The following DOCK1 variants were observed in gnomAD, a reference collection of about 807,000 sequenced individuals.
DOCK1 encodes the protein dedicator of cytokinesis protein 1.
A neutral mutation model predicts 262.7 loss-of-function variants in DOCK1; 138 were observed. The ratio of observed to expected loss-of-function variants is 0.53; its 90% CI spans 0.46 to 0.61. The LOEUF (loss-of-function observed/expected upper bound fraction) is 0.61, where lower values mean the gene tolerates loss of function less well. DOCK1 is among the 20% of genes least tolerant of loss of function. The pLI is 0.00. For missense variants in DOCK1, 1,908 were observed against 2,370.7 expected, an observed-to-expected ratio of 0.80 and a Z score of 4.05; for synonymous variants, 866 against 867.4, an observed-to-expected ratio of 1.00 and a Z score of 0.03.
intron 39 of DOCK1, 92 bp downstream of exon 39, chr10:127,403,236 C>T (rs2067327063): frequency 7.6e-7 from 1 of 1,323,470 alleles, no homozygotes; most frequent in East Asian, 2.5e-5. Flanking sequence ...TTAGGGTTCA[C>T]CCCAGGCACT....
chr10:127,189,098 A>ATG (rs1426863073), intron 27 of DOCK1, among the ~76,000 whole-genome samples: 5 of 152,342 alleles, frequency 3.3e-5, no homozygotes, highest in African/African-American at 4.8e-5. Context: ...TGTGTTGTGC[A>ATG]TGTGGATGAC....
Position 126,922,552 on chromosome 10 carries a change from C to T in DOCK1, c.46+16989C>T, listed in dbSNP as rs74507347. ...CCAAGAGGATGGTGCGAAGCCATTCCGGAGGGAGGCGCCATGATCCAAATC... is the reference window on the plus strand; with the variant it reads ...CCAAGAGGATGGTGCGAAGCCATTCTGGAGGGAGGCGCCATGATCCAAATC... On this transcript the variant is annotated intron_variant, in intron 1 of 51. Coordinates refer to ENST00000623213, the MANE Select transcript of DOCK1 (RefSeq NM_001290223.2). 1.0e-3 allele frequency among the ~76,000 whole-genome samples: 152 copies of T among 152,172 alleles called. 3 individuals are homozygous for T. The highest frequency in any genetic ancestry group is 8.1e-3 in the East Asian group (42 of 5,174).
intron 22 of DOCK1, among the ~76,000 whole-genome samples, chr10:127,059,660 T>A (rs915440767): frequency 6.6e-6 from 1 of 152,230 alleles, no homozygotes; most frequent in Non-Finnish European, 1.5e-5. Context: ...TAGATTCATT[T>A]CTCTACTGAA....
intron 29 of DOCK1, among the ~76,000 whole-genome samples, chr10:127,323,444 C>T (rs1026507898): frequency 2.0e-5 from 3 of 152,148 alleles, no homozygotes; most frequent in East Asian, 3.9e-4. Context: ...GAGGCAAAGG[C>T]GGGCCACTTA....
rs144243773 is a variant in DOCK1 at position 127,092,114 on chromosome 10, G to C, written c.2446-14117G>C. 9.0e-4 allele frequency among the ~76,000 whole-genome samples: 137 copies of C among 152,328 alleles called. 3 individuals are homozygous for C. Among genetic ancestry groups the C allele is most frequent in the African/African-American group, 3.1e-3 (128 of 41,574 alleles). ...TGGACACCTGTGCCCAGTGGTGACT[G>C]TACTGGCCAGAGCTGCTGTAGAATA... On this transcript the variant is annotated intron_variant, in intron 23 of 51. Transcript: ENST00000623213.
intron 27 of DOCK1, among the ~76,000 whole-genome samples, chr10:127,161,637 C>T (rs1337313591): frequency 1.3e-5 from 2 of 152,180 alleles, no homozygotes; most frequent in African/African-American, 2.4e-5. Context: ...ACCTCTCCAG[C>T]TGCCCGGCTG....
intron 25 of DOCK1, among the ~76,000 whole-genome samples, chr10:127,115,377 T>G (rs2049120014): frequency 6.6e-6 from 1 of 152,218 alleles, no homozygotes; most frequent in African/African-American, 2.4e-5. Context: ...GTGACTTGAC[T>G]ACTTGAAAGC....
chr10:127,245,538 A>G (rs1431435326), intron 27 of DOCK1, among the ~76,000 whole-genome samples: 1 of 152,172 alleles, frequency 6.6e-6, no homozygotes, highest in Non-Finnish European at 1.5e-5. Flanking sequence ...ACATCCTCCC[A>G]GGACTTGTTT....
At chr10:127,434,716 G>A (rs1429666302) in intron 48 of DOCK1, among the ~76,000 whole-genome samples, 3 of 149,736 alleles carry the variant, frequency 2.0e-5, no homozygotes, top group African/African-American at 4.9e-5. Context: ...GCAGTGGCAC[G>A]ATCTCGGCTC....
At chr10:127,106,116 G>A in intron 23 of DOCK1, 115 bp from the exon 24 acceptor site, 1 of 1,089,850 alleles carries the variant, frequency 9.2e-7, no homozygotes, top group Non-Finnish European at 1.3e-6. Flanking sequence ...CCCCTCATCT[G>A]GAAGTGATCT....
chr10:127,285,690 C>T lies in DOCK1; in HGVS notation c.3044+28261C>T, dbSNP rs553948912. 3.9e-5 allele frequency among the ~76,000 whole-genome samples: 6 copies of T among 152,330 alleles called. No individual in the cohort carries two copies. The East Asian group carries it at 1.2e-3, about 29-fold the overall frequency. On this transcript the variant is annotated intron_variant, in intron 29 of 51. Coordinates refer to ENST00000623213, the MANE Select transcript of DOCK1 (RefSeq NM_001290223.2). ...GAAGGTGCGGTCAGACCGCCAAGGT[C>T]ATGCCATCTTCTGGGCACTGGTAGT...
chr10:127,258,782 G>T lies in DOCK1; in HGVS notation c.3044+1353G>T, dbSNP rs115133669. Among the ~76,000 whole-genome samples the T allele has an allele frequency of 2.7e-3, 408 of 152,346 alleles. 2 individuals are homozygous for T. Among genetic ancestry groups the T allele is most frequent in the African/African-American group, 9.5e-3 (397 of 41,588 alleles). On this transcript the variant is annotated intron_variant, in intron 29 of 51. Transcript: ENST00000623213. ...AAGTGATTCGGTTGCTCCGCATCCAGCCTTTGCCGTTGACACTGTTTTTGC... is the reference window on the plus strand; with the variant it reads ...AAGTGATTCGGTTGCTCCGCATCCATCCTTTGCCGTTGACACTGTTTTTGC...
chr10:127,290,446 C>G (rs565513955), intron 29 of DOCK1, among the ~76,000 whole-genome samples: 29 of 152,240 alleles, frequency 1.9e-4, no homozygotes, highest in African/African-American at 6.7e-4. Context: ...TTAAAGATGT[C>G]CACAGTTATG....
At chr10:127,068,756 C>T (rs2046027913) in intron 23 of DOCK1, among the ~76,000 whole-genome samples, 1 of 152,162 alleles carries the variant, frequency 6.6e-6, no homozygotes, top group Non-Finnish European at 1.5e-5. Context: ...TATATATACA[C>T]ACATATAAAT....
rs75304645 is a variant in DOCK1 at position 127,336,283 on chromosome 10, C to T, written c.3045-2723C>T. 3.4e-3 allele frequency among the ~76,000 whole-genome samples: 522 copies of T among 152,206 alleles called. 8 individuals carry two copies. The highest frequency in any genetic ancestry group is 0.031 in the Admixed American group (479 of 15,282). ...GTCCTGGAAGTTTCTGTGCAAGTGA[C>T]GCAGCCCTTGATGCATTGAGCCCAA... On this transcript the variant is annotated intron_variant, in intron 29 of 51. Transcript: ENST00000623213.
At chr10:127,200,561 G>A (rs555543552) in intron 27 of DOCK1, among the ~76,000 whole-genome samples, 1 of 151,890 alleles carries the variant, frequency 6.6e-6, no homozygotes, top group African/African-American at 2.4e-5. Flanking sequence ...CTGTAACCAC[G>A]CCTGGCTGAT....
chr10:127,303,092 G>A (rs1191793539), intron 29 of DOCK1, among the ~76,000 whole-genome samples: 1 of 152,148 alleles, frequency 6.6e-6, no homozygotes, highest in East Asian at 1.9e-4. Flanking sequence ...TTACTCAGGA[G>A]TATTGCAATA....
chr10:127,067,278 C>T (rs1335322296), intron 23 of DOCK1, among the ~76,000 whole-genome samples: 1 of 152,102 alleles, frequency 6.6e-6, no homozygotes, highest in Non-Finnish European at 1.5e-5. Context: ...TGGATTGAGG[C>T]GTTTGGGGCT....
intron 48 of DOCK1, 71 bp downstream of exon 48, chr10:127,433,499 G>C: frequency 6.6e-7 from 1 of 1,522,566 alleles, no homozygotes; most frequent in East Asian, 2.3e-5. Flanking sequence ...GCCACCCAGG[G>C]CTCTGGGTTT....
Sources: gnomAD v4.1 joint callset for allele counts (sites outside exome capture counted in the v4.1 genomes callset) on GRCh38, gnomAD v4.1.1 for gene constraint, MANE v1.5 for transcripts, NCBI Gene and HGNC (gene_info 2026-07-23, HGNC 2026-07-21) for gene names.